Variants in SNCAIP observed in about 807,000 individuals in gnomAD.
SNCAIP encodes the protein synphilin-1.
In SNCAIP, 43 loss-of-function variants were observed where a neutral mutation model predicts 86.7. The ratio of observed to expected loss-of-function variants is 0.50; its 90% confidence interval spans 0.39 to 0.64. The LOEUF is 0.64. Among genes scored for constraint, SNCAIP ranks in the 30% least tolerant of loss-of-function variants. The pLI, the probability that SNCAIP is intolerant of heterozygous loss-of-function variation, is 0.00. For missense variants in SNCAIP, 981 were observed against 1,103.1 expected, an observed-to-expected ratio of 0.89 and a Z score of 1.57; for synonymous variants, 417 against 427.2, an observed-to-expected ratio of 0.98 and a Z score of 0.29.
At chr5:122,397,357 C>T (rs1040821742) in intron 2 of SNCAIP, among the ~76,000 whole-genome samples, 1 of 152,084 alleles carries the variant, frequency 6.6e-6, no homozygotes, top group African/African-American at 2.4e-5. Context: ...ACCACATTTA[C>T]TAAGTGGATC....
chr5:122,382,519 G>A (rs1327531313), intron 1 of SNCAIP, among the ~76,000 whole-genome samples: 12 of 152,162 alleles, frequency 7.9e-5, no homozygotes, highest in African/African-American at 1.4e-4. Context: ...TAATTTGATC[G>A]TCTGAAGCCT....
At chr5:122,338,893 G>A (rs141329074) in intron 1 of SNCAIP, among the ~76,000 whole-genome samples, 1 of 152,192 alleles carries the variant, frequency 6.6e-6, no homozygotes, top group East Asian at 1.9e-4. Flanking sequence ...TAAATAGAAT[G>A]GTGACATTTG....
intron 1 of SNCAIP, among the ~76,000 whole-genome samples, chr5:122,363,224 A>G (rs1193562001): frequency 6.6e-6 from 1 of 152,000 alleles, no homozygotes; most frequent in Non-Finnish European, 1.5e-5. Context: ...TCCAACTCCC[A>G]ACCTCAGGTG....
intron 1 of SNCAIP, chr5:122,383,413 C>G (rs34245497): frequency 1.3e-5 from 2 of 152,946 alleles, no homozygotes; most frequent in Non-Finnish European, 2.9e-5. Flanking sequence ...GCACGGTGCG[C>G]GCACCCACTG....
intron 7 of SNCAIP, chr5:122,443,987 C>T: frequency 2.3e-6 from 1 of 435,516 alleles, no homozygotes; most frequent in Admixed American, 2.5e-5. Flanking sequence ...TTCTACAAAG[C>T]CTGCTCAATC....
In SNCAIP at chr5:122,422,924, C is replaced by T. The variant is rs760694224; in HGVS notation, c.187C>T (p.Pro63Ser). The T allele has an allele frequency of 7.4e-6, 12 of 1,614,018 alleles. No homozygotes were observed. Among genetic ancestry groups the T allele is most frequent in the Non-Finnish European group, 5.9e-6 (7 of 1,179,870 alleles). ...ISTLITNTQK[P>S]TGIADVYSKF... is the part of the protein sequence containing the mutation. Reference sequence around the variant, plus strand: ...AACTCTTATTACAAACACGCAAAAGCCCACAGGAATCGCTGATGTGTACAG... The same window carrying T: ...AACTCTTATTACAAACACGCAAAAGTCCACAGGAATCGCTGATGTGTACAG... The change falls in exon 4 of 11, where the codon CCC becomes TCC. Residue 63 changes from proline (P) to serine (S), a missense_variant. Pro to Ser is a moderately conservative substitution (Grantham distance 74). Transcript: ENST00000261368.
chr5:122,433,112 A>AGTGTGTGTGTGTGTGTGT (rs34711914), intron 6 of SNCAIP, among the ~76,000 whole-genome samples: 66 of 147,818 alleles, frequency 4.5e-4, no homozygotes, highest in African/African-American at 1.5e-3. Flanking sequence ...AACTTCTAGT[A>AGTGTGTGTGTGTGTGTGT]GTGTGTGTGT....
At chr5:122,459,884 C>T (rs1338902361) in intron 10 of SNCAIP, among the ~76,000 whole-genome samples, 2 of 152,198 alleles carry the variant, frequency 1.3e-5, no homozygotes, top group African/African-American at 4.8e-5. Flanking sequence ...TCTTTTGAAT[C>T]GACCATTCAC....
At chr5:122,448,681 ATATATATAT>A (rs984052488) in intron 8 of SNCAIP, among the ~76,000 whole-genome samples, 18 of 135,818 alleles carry the variant, frequency 1.3e-4, no homozygotes, top group African/African-American at 4.6e-4. Context: ...TATATATGTT[ATATATATAT>A]TATATATATT....
intron 7 of SNCAIP, chr5:122,441,148 T>G (rs1780801919): frequency 4.4e-6 from 1 of 225,190 alleles, no homozygotes; most frequent in South Asian, 6.9e-5. Context: ...CCTCCAGGTA[T>G]ATGAAGAATA....
chr5:122,337,755 G>T (rs1756791856), intron 1 of SNCAIP, among the ~76,000 whole-genome samples: 1 of 152,200 alleles, frequency 6.6e-6, no homozygotes, highest in Non-Finnish European at 1.5e-5. Context: ...GGCCAGGCTG[G>T]TCTCAAACTC....
chr5:122,435,545 C>G (rs561548257), intron 6 of SNCAIP, among the ~76,000 whole-genome samples: 2 of 152,280 alleles, frequency 1.3e-5, no homozygotes, highest in South Asian at 4.1e-4. Context: ...GACTTTTAGT[C>G]ATGAGATTCT....
chr5:122,408,443 A>G (rs532018410), intron 3 of SNCAIP, among the ~76,000 whole-genome samples: 2 of 152,246 alleles, frequency 1.3e-5, no homozygotes, highest in South Asian at 2.1e-4. Flanking sequence ...GAAAATGGCA[A>G]TGTTGTCAGA....
At chr5:122,458,900 T>C (rs1326055575) in intron 10 of SNCAIP, among the ~76,000 whole-genome samples, 1 of 152,156 alleles carries the variant, frequency 6.6e-6, no homozygotes, top group African/African-American at 2.4e-5. Context: ...GTACTCCCAG[T>C]GTCTTGCTTG....
intron 1 of SNCAIP, among the ~76,000 whole-genome samples, chr5:122,331,772 ATTAT>A (rs1377885960): frequency 6.6e-6 from 1 of 152,154 alleles, no homozygotes; most frequent in Non-Finnish European, 1.5e-5. Flanking sequence ...TTCACTTTGC[ATTAT>A]TTTTTCATCA....
intron 1 of SNCAIP, among the ~76,000 whole-genome samples, chr5:122,388,024 G>T (rs963756836): frequency 1.3e-5 from 2 of 152,186 alleles, no homozygotes; most frequent in South Asian, 4.1e-4. Context: ...CCTTTGAAGG[G>T]TCGAACACTC....
At chr5:122,431,294 A>C (rs551080958) in intron 5 of SNCAIP, among the ~76,000 whole-genome samples, 19 of 152,312 alleles carry the variant, frequency 1.2e-4, no homozygotes, top group Non-Finnish European at 2.4e-4. Context: ...CTATTCACAA[A>C]AAAAATTCAT....
At chr5:122,417,184 T>A (rs1324201086) in intron 3 of SNCAIP, among the ~76,000 whole-genome samples, 2 of 152,198 alleles carry the variant, frequency 1.3e-5, no homozygotes, top group Non-Finnish European at 2.9e-5. Flanking sequence ...CTGTCCATTA[T>A]CTTCCTAAGA....
rs1580722567 is a variant in SNCAIP at position 122,317,177 on chromosome 5, T to A, written c.-47+4893T>A. The stretch of plus-strand genomic sequence containing the variant: ...TCTTGTCACAGTAATGTAGGTTTTT[T>A]AAATCCACCACTCATAAAAATAAAC... On this transcript the variant is annotated intron_variant, in intron 1 of 10. Coordinates refer to ENST00000261368, the MANE Select transcript of SNCAIP (RefSeq NM_005460.4). Among the ~76,000 whole-genome samples, 5 of 152,198 alleles carry A rather than the reference T, an allele frequency of 3.3e-5. No individual in the cohort carries two copies. In the South Asian group the frequency reaches 1.0e-3, roughly 32 times the overall value.
Sources: allele counts gnomAD v4.1 joint callset (sites outside exome capture counted in the v4.1 genomes callset), GRCh38; gene constraint gnomAD v4.1.1; transcripts MANE v1.5; gene names NCBI Gene and HGNC (gene_info 2026-07-23, HGNC 2026-07-21).